Variants in PTPRQ observed in about 807,000 individuals in gnomAD.
The protein encoded by PTPRQ is protein tyrosine phosphatase receptor type Q.
In PTPRQ, 199 loss-of-function variants were observed where a neutral mutation model predicts 246.0. That is an observed-to-expected ratio of 0.81 (90% CI 0.72 to 0.91). The LOEUF (loss-of-function observed/expected upper bound fraction) is 0.91, where lower values mean the gene tolerates loss of function less well. Among genes scored for constraint, PTPRQ ranks in the 40% least tolerant of loss-of-function variants. PTPRQ has a pLI of 0.00. For synonymous variants in PTPRQ, 869 were observed against 853.2 expected, an observed-to-expected ratio of 1.02 and a Z score of -0.32; for missense variants, 2,624 against 2,528.4, an observed-to-expected ratio of 1.04 and a Z score of -0.81.
chr12:80,506,549 C>G lies in PTPRQ; in HGVS notation c.2456-20C>G, dbSNP rs915356007. The G allele has an allele frequency of 2.0e-6, 3 of 1,471,222 alleles. No individual in the cohort carries two copies. Among genetic ancestry groups the G allele is most frequent in the Non-Finnish European group, 2.7e-6 (3 of 1,092,746 alleles). The allele number at this position is 1,471,222 out of a possible 1,614,324, so 91.1% of individuals were successfully genotyped here. A position where few individuals can be genotyped will look rare whatever the true frequency, so the allele number is the denominator to read the frequency against. On this transcript the variant is annotated intron_variant, in intron 15 of 44. Coordinates refer to ENST00000644991, the MANE Select transcript of PTPRQ (RefSeq NM_001145026.2). ...ATGATATTTTGTAAGTTTCAACTTA[C>G]CTATTTGATTTCTCTTTAGTACTGA...
intron 17 of PTPRQ, chr12:80,526,095 C>T (rs191468184): frequency 6.6e-6 from 1 of 152,300 alleles, no homozygotes; most frequent in East Asian, 1.9e-4. Flanking sequence ...AATTTAACCT[C>T]TCTAATGCTC....
At chr12:80,501,130 T>C (rs1894786892) in intron 14 of PTPRQ, among the ~76,000 whole-genome samples, 1 of 151,866 alleles carries the variant, frequency 6.6e-6, no homozygotes, top group East Asian at 1.9e-4. Flanking sequence ...TTTCTGTCAC[T>C]TGAACAGTGT....
At chr12:80,445,897 TTTTCA>T (rs1892539723) in intron 3 of PTPRQ, among the ~76,000 whole-genome samples, 180 bp downstream of exon 3, 1 of 151,930 alleles carries the variant, frequency 6.6e-6, no homozygotes, top group Admixed American at 6.6e-5. Flanking sequence ...TTATTGTGTC[TTTTCA>T]TTTCAATTTT....
chr12:80,453,318 C>T (rs889683571), intron 3 of PTPRQ, among the ~76,000 whole-genome samples: 1 of 152,198 alleles, frequency 6.6e-6, no homozygotes, highest in Non-Finnish European at 1.5e-5. Context: ...TGAATTTCCT[C>T]CTGTAGCTCG....
At chr12:80,678,842 C>A (rs1035172834) in intron 44 of PTPRQ, 117 bp downstream of exon 44, 8 of 1,435,872 alleles carry the variant, frequency 5.6e-6, no homozygotes, top group Non-Finnish European at 7.3e-6. Context: ...GTGCACAGAT[C>A]AGGTTTTTTT....
At chr12:80,456,797 C>A (rs1366477263) in intron 3 of PTPRQ, among the ~76,000 whole-genome samples, 1 of 152,074 alleles carries the variant, frequency 6.6e-6, no homozygotes, top group African/African-American at 2.4e-5. Context: ...AGGAAAAATC[C>A]TGTTAAGTAT....
At position 80,610,462 on chromosome 12, in the gene PTPRQ, A is replaced by G. The variant is rs1898506996; in HGVS notation, c.4755A>G (p.Ile1585Met). 6.7e-7 allele frequency: 1 copy of G among 1,487,256 alleles called. No individual in the cohort carries two copies. Among genetic ancestry groups the G allele is most frequent in the Non-Finnish European group, 9.1e-7 (1 of 1,102,718 alleles). The allele number at this position is 1,487,256 out of a possible 1,614,324, so 92.1% of individuals were successfully genotyped here. Reference protein sequence around the residue: ...VKSVDNDEFNISFIKSNEENK... With the variant: ...VKSVDNDEFNMSFIKSNEENK... Reference sequence around the variant, plus strand: ...AGGTAGATAATGATGAATTTAATATATCCTTCATCAAGTCAAATGAAGAAA... The same window carrying G: ...AGGTAGATAATGATGAATTTAATATGTCCTTCATCAAGTCAAATGAAGAAA... Residue 1585 changes from isoleucine to methionine, a missense_variant, in exon 28 of 45, where the codon ATA becomes ATG. Physicochemically the swap from Ile to Met is conservative, Grantham distance 10. Coordinates refer to ENST00000644991, the MANE Select transcript of PTPRQ (RefSeq NM_001145026.2).
intron 17 of PTPRQ, among the ~76,000 whole-genome samples, chr12:80,516,800 A>G (rs1266351564): frequency 6.6e-6 from 1 of 152,212 alleles, no homozygotes; most frequent in Non-Finnish European, 1.5e-5. Context: ...TTCTGAAGTT[A>G]TATCCATTTT....
At chr12:80,463,093 A>G (rs957817512) in intron 6 of PTPRQ, among the ~76,000 whole-genome samples, 8 of 152,302 alleles carry the variant, frequency 5.3e-5, no homozygotes, top group African/African-American at 1.7e-4. Flanking sequence ...AATTCAAACC[A>G]AAGGCAAAGA....
At chr12:80,569,823 A>G (rs1170543027) in intron 25 of PTPRQ, among the ~76,000 whole-genome samples, 2 of 151,714 alleles carry the variant, frequency 1.3e-5, no homozygotes, top group African/African-American at 4.8e-5. Context: ...ACTTATGAGA[A>G]CACACGATAT....
chr12:80,487,712 TG>T (rs1165701491), intron 9 of PTPRQ, among the ~76,000 whole-genome samples: 1 of 152,120 alleles, frequency 6.6e-6, no homozygotes, highest in Non-Finnish European at 1.5e-5. Flanking sequence ...GACTTGCATA[TG>T]TCTTTATTTT....
At chr12:80,616,564 A>C (rs889973851) in intron 30 of PTPRQ, among the ~76,000 whole-genome samples, 1 of 151,126 alleles carries the variant, frequency 6.6e-6, no homozygotes, top group Non-Finnish European at 1.5e-5. Context: ...ATGTTTCTTT[A>C]AATGTTATCG....
chr12:80,651,013 A>G (rs1020278724), intron 37 of PTPRQ, among the ~76,000 whole-genome samples: 6 of 151,954 alleles, frequency 3.9e-5, no homozygotes, highest in African/African-American at 1.4e-4. Context: ...GGACATATTC[A>G]CTCATATCTT....
intron 33 of PTPRQ, among the ~76,000 whole-genome samples, chr12:80,624,624 T>C (rs1299611126): frequency 6.6e-6 from 1 of 152,210 alleles, no homozygotes; most frequent in Non-Finnish European, 1.5e-5. Context: ...CAGCCATTTC[T>C]CTGGTTAATG....
chr12:80,548,216 C>A (rs1896365609), intron 24 of PTPRQ, among the ~76,000 whole-genome samples: 1 of 151,892 alleles, frequency 6.6e-6, no homozygotes, highest in African/African-American at 2.4e-5. Context: ...AAAATTTTCA[C>A]CTTTAAGTGT....
chr12:80,678,751 C>A, intron 44 of PTPRQ, 26 bp downstream of exon 44: 1 of 1,532,794 alleles, frequency 6.5e-7, no homozygotes, highest in South Asian at 1.3e-5. Context: ...AGTATATGCC[C>A]AGCTTACTAG....
chr12:80,609,158 G>A (rs1450099932), intron 27 of PTPRQ, among the ~76,000 whole-genome samples: 1 of 148,484 alleles, frequency 6.7e-6, no homozygotes, highest in Non-Finnish European at 1.5e-5. Flanking sequence ...TTTTTTTATA[G>A]CAACATCTTT....
Position 80,460,667 on chromosome 12 carries a change from T to C in PTPRQ, c.675T>C (p.Ser225=). 5.0e-6 allele frequency: 2 copies of C among 398,730 alleles called. No homozygotes were observed. Among genetic ancestry groups the C allele is most frequent in the Non-Finnish European group, 8.8e-6 (2 of 226,052 alleles). 24.7% of individuals were successfully genotyped at this position (398,730 alleles called of 1,614,324 possible). ...TTATTTACTAGGAGAATAGTGAATC[T>C]TTTTTATGGAGTACAGCCAGCCCTT... The part of the protein sequence containing the change: ...KLPECNENSE[S]FLWSTASPSP... The change falls in exon 6 of 45, where the codon TCT becomes TCC. Residue 225 remains serine (S), a synonymous_variant. Transcript: ENST00000644991.
intron 35 of PTPRQ, 34 bp from the exon 36 acceptor site, chr12:80,648,863 A>G: frequency 6.6e-7 from 1 of 1,519,450 alleles, no homozygotes; most frequent in South Asian, 1.3e-5. Context: ...GTCCACTCTG[A>G]CTCACAATGC....
Sources: gnomAD v4.1 joint callset for allele counts (sites outside exome capture counted in the v4.1 genomes callset) on GRCh38, gnomAD v4.1.1 for gene constraint, MANE v1.5 for transcripts, NCBI Gene and HGNC (gene_info 2026-07-23, HGNC 2026-07-21) for gene names.